The following PTPN5 variants were observed in gnomAD, a reference collection of about 807,000 sequenced individuals.
PTPN5 encodes tyrosine-protein phosphatase non-receptor type 5.
PTPN5 carries 29 observed loss-of-function variants against 73.9 expected under a neutral mutation model. The observed-to-expected ratio is 0.39, with a 90% CI of 0.29 to 0.54. PTPN5 has a LOEUF of 0.54. PTPN5 is among the 20% of genes least tolerant of loss of function. The pLI, the probability that PTPN5 is intolerant of heterozygous loss-of-function variation, is 0.65. For missense variants in PTPN5, 652 were observed against 751.4 expected (o/e 0.87, Z 1.55); for synonymous variants, 267 against 304.7 (o/e 0.88, Z 1.29).
In PTPN5 at chr11:18,728,151, T is replaced by C. The variant is rs2134176669; in HGVS notation, c.*783A>G. On this transcript the variant is annotated 3_prime_UTR_variant, in exon 15 of 15. Transcript: ENST00000358540. The surrounding 1 kb of genome is among the most constrained non-coding windows in gnomAD (Gnocchi z 4.1). ...GGAACACACGCAGAGCAACACGCAG[T>C]GAGACTTCTGGGAAGGCTTTCCCAC... 1 of 152,720 alleles carries C rather than the reference T, an allele frequency of 6.5e-6. No individual in the cohort carries two copies. The highest frequency in any genetic ancestry group is 1.5e-5 in the Non-Finnish European group (1 of 68,048). The allele number at this position is 152,720 out of a possible 1,614,324, so 9.5% of individuals were successfully genotyped here. A position where few individuals can be genotyped will look rare whatever the true frequency, so the allele number is the denominator to read the frequency against.
chr11:18,773,193 T>C (rs1052520487), intron 1 of PTPN5, among the ~76,000 whole-genome samples: 1 of 152,018 alleles, frequency 6.6e-6, no homozygotes, highest in Non-Finnish European at 1.5e-5. Flanking sequence ...AAGACAGACC[T>C]ATATTCCCTT....
intron 9 of PTPN5, among the ~76,000 whole-genome samples, chr11:18,735,644 T>C (rs1849079432): frequency 6.6e-6 from 1 of 151,740 alleles, no homozygotes; most frequent in Non-Finnish European, 1.5e-5. Flanking sequence ...AGTCAAACCC[T>C]GTTCCTACTA....
chr11:18,747,938 C>G (rs1349591864), intron 3 of PTPN5, among the ~76,000 whole-genome samples: 2 of 152,082 alleles, frequency 1.3e-5, no homozygotes, highest in African/African-American at 4.8e-5. Context: ...AAGACTAAAG[C>G]CAGGTAGTAA....
At chr11:18,787,135 T>A (rs1275701408) in intron 1 of PTPN5, among the ~76,000 whole-genome samples, 1 of 152,214 alleles carries the variant, frequency 6.6e-6, no homozygotes, top group Non-Finnish European at 1.5e-5. Flanking sequence ...CCATACTGAA[T>A]AAAATATGCA....
intron 1 of PTPN5, among the ~76,000 whole-genome samples, chr11:18,782,625 T>C (rs1162259901): frequency 1.3e-5 from 2 of 152,182 alleles, no homozygotes; most frequent in African/African-American, 2.4e-5. Context: ...ATGATAGAAA[T>C]TGGAATAATC....
At chr11:18,748,021 AAT>A (rs1341495778) in intron 3 of PTPN5, among the ~76,000 whole-genome samples, 2 of 152,130 alleles carry the variant, frequency 1.3e-5, no homozygotes, top group African/African-American at 2.4e-5. Flanking sequence ...CTAATAGATA[AAT>A]ATATATGTGT....
Position 18,744,111 on chromosome 11 carries a change from G to C in PTPN5, c.186C>G (p.Pro62=). 1 of 1,611,108 alleles carries C rather than the reference G, an allele frequency of 6.2e-7. No individual in the cohort carries two copies. Among genetic ancestry groups the C allele is most frequent in the East Asian group, 2.2e-5 (1 of 44,740 alleles). ...SQREMPPPPP[P]SPPSDPAQKP... ...TCTGAGCTGGATCTGAGGGCGGCGA[G>C]GGAGGAGGGGGTGGCGGCATCTCTC... Residue 62 remains proline, a synonymous_variant, in exon 4 of 15, where the codon CCC becomes CCG. Transcript: ENST00000358540.
intron 3 of PTPN5, among the ~76,000 whole-genome samples, chr11:18,763,929 T>C (rs1216030767): frequency 6.6e-6 from 1 of 152,218 alleles, no homozygotes; most frequent in Non-Finnish European, 1.5e-5. Context: ...TCCCATGCTC[T>C]TTCTTCCTCC....
intron 1 of PTPN5, among the ~76,000 whole-genome samples, chr11:18,780,595 A>T (rs2134351846): frequency 6.6e-6 from 1 of 151,774 alleles, no homozygotes; most frequent in East Asian, 1.9e-4. Context: ...CCTCCAGGAA[A>T]CCTCCCTAGT....
chr11:18,770,268 G>A (rs1174083454), intron 2 of PTPN5, among the ~76,000 whole-genome samples: 1 of 152,166 alleles, frequency 6.6e-6, no homozygotes, highest in Non-Finnish European at 1.5e-5. Flanking sequence ...CACCCCAAAA[G>A]GAAATCCTGT....
intron 3 of PTPN5, among the ~76,000 whole-genome samples, chr11:18,754,335 C>G (rs4757714): frequency 0.66 from 100,965 of 152,030 alleles, 34,273 homozygotes; most frequent in Middle Eastern, 0.86. Flanking sequence ...CAACTCCGAA[C>G]GGAGAAAGAC....
chr11:18,776,015 G>A (rs563712276), intron 1 of PTPN5, among the ~76,000 whole-genome samples: 50 of 152,244 alleles, frequency 3.3e-4, no homozygotes, highest in South Asian at 1.5e-3. Context: ...ATGGTGCGGC[G>A]GTCACGGACC....
intron 1 of PTPN5, among the ~76,000 whole-genome samples, chr11:18,777,098 T>G (rs1000964454): frequency 1.3e-5 from 2 of 152,160 alleles, no homozygotes; most frequent in African/African-American, 4.8e-5. Flanking sequence ...GAGGCGGAAG[T>G]TGCAGTGAGC....
intron 1 of PTPN5, among the ~76,000 whole-genome samples, chr11:18,789,254 G>C (rs1231665756): frequency 3.3e-5 from 5 of 152,170 alleles, no homozygotes; most frequent in African/African-American, 1.2e-4. Flanking sequence ...CATCATTCTT[G>C]AGTCAGAAAT....
intron 3 of PTPN5, among the ~76,000 whole-genome samples, chr11:18,763,659 C>T (rs1050074111): frequency 3.7e-4 from 56 of 152,212 alleles, no homozygotes; most frequent in Non-Finnish European, 4.4e-5. Flanking sequence ...ATGAACTTTC[C>T]TTAGGGAAGG....
chr11:18,765,703 C>A (rs1446451978), intron 3 of PTPN5, 104 bp downstream of exon 3: 2 of 782,928 alleles, frequency 2.6e-6, no homozygotes, highest in Admixed American at 2.0e-5. Context: ...GATATTCTTG[C>A]GCAAGTTCAC....
At chr11:18,753,763 C>T (rs1419914668) in intron 3 of PTPN5, among the ~76,000 whole-genome samples, 1 of 152,154 alleles carries the variant, frequency 6.6e-6, no homozygotes, top group Non-Finnish European at 1.5e-5. Flanking sequence ...GGAGTAGAGA[C>T]ATCTGCAAGC....
chr11:18,757,613 G>A lies in PTPN5; in HGVS notation c.97+8194C>T, dbSNP rs561036855. On this transcript the variant is annotated intron_variant, in intron 3 of 14. Transcript: ENST00000358540. ...GTGTGTATTCCTAGAACTGGCTAAGGTGACTGTTTGCAGAAGGTGTGTTTG... is the reference window on the plus strand; with the variant it reads ...GTGTGTATTCCTAGAACTGGCTAAGATGACTGTTTGCAGAAGGTGTGTTTG... 1.8e-3 allele frequency among the ~76,000 whole-genome samples: 278 copies of A among 152,268 alleles called. 1 individual carries two copies. Among genetic ancestry groups the A allele is most frequent in the African/African-American group, 6.4e-3 (268 of 41,560 alleles).
rs187601427 is a variant in PTPN5, at chr11:18,771,069, C to T, written c.20+870G>A. Among the ~76,000 whole-genome samples, 584 of 152,126 alleles carry T rather than the reference C, an allele frequency of 3.8e-3. 11 individuals are homozygous for T. The highest frequency in any genetic ancestry group is 0.033 in the Admixed American group (505 of 15,286). On this transcript the variant is annotated intron_variant, in intron 2 of 14. Coordinates refer to ENST00000358540, the MANE Select transcript of PTPN5 (RefSeq NM_006906.2). ...CCAATCAGGGAGCCTGAGCCTGCTT[C>T]CAAGGTCGGTGAGGAGCAAGGGGGA... is the stretch of plus-strand genomic sequence containing the variant.
Sources: allele counts gnomAD v4.1 joint callset (sites outside exome capture counted in the v4.1 genomes callset), GRCh38; gene constraint gnomAD v4.1.1; non-coding constraint Gnocchi (gnomAD v3.1); transcripts MANE v1.5; gene names NCBI Gene and HGNC (gene_info 2026-07-23, HGNC 2026-07-21).